Variants in GRIN2D observed in about 807,000 individuals in gnomAD.
GRIN2D encodes the protein glutamate ionotropic receptor NMDA type subunit 2D, also known as glutamate receptor ionotropic, NMDA 2D.
In GRIN2D, 37 loss-of-function variants were observed where a neutral mutation model predicts 103.2. The observed-to-expected ratio is 0.36, with a 90% confidence interval of 0.28 to 0.47. The LOEUF (loss-of-function observed/expected upper bound fraction) is 0.47, where lower values mean the gene tolerates loss of function less well. GRIN2D is among the 20% of genes least tolerant of loss of function. The pLI is 1.00. For missense variants in GRIN2D, 1,557 were observed against 1,910.6 expected (o/e 0.81, Z 3.45); for synonymous variants, 845 against 885.6 (o/e 0.95, Z 0.81).
rs1002224728 is a variant in GRIN2D at position 48,412,425 on chromosome 19, G to GA, written c.1086-1563dup. On this transcript the variant is annotated intron_variant, in intron 4 of 13. Coordinates refer to ENST00000263269, the MANE Select transcript of GRIN2D (RefSeq NM_000836.4). Reference sequence around the variant, plus strand: ...AAGAAAGAAAGAAAGAGAAAGAAAAGAAAGAAAGAAAGAAAGAAAGAAAGA... The same window carrying GA: ...AAGAAAGAAAGAAAGAGAAAGAAAAGAAAAGAAAGAAAGAAAGAAAGAAAGA... Among the ~76,000 whole-genome samples the GA allele has an allele frequency of 2.3e-4, 11 of 48,164 alleles. No homozygotes were observed. In the East Asian group the frequency reaches 4.7e-3, roughly 21 times the overall value. The allele number at this position is 48,164 out of a possible 152,430, so 31.6% of individuals were successfully genotyped here.
intron 4 of GRIN2D, among the ~76,000 whole-genome samples, chr19:48,412,635 A>G (rs1429594043): frequency 6.6e-6 from 1 of 151,296 alleles, no homozygotes; most frequent in Non-Finnish European, 1.5e-5. Context: ...TAAAAATACA[A>G]AAAATTAGCC....
intron 4 of GRIN2D, among the ~76,000 whole-genome samples, chr19:48,408,860 C>T (rs936948483): frequency 6.0e-5 from 9 of 151,044 alleles, no homozygotes; most frequent in Non-Finnish European, 1.2e-4. Flanking sequence ...ATGGATAAAG[C>T]GAAGGAGCCA....
chr19:48,428,186 G>A (rs1193914407), intron 11 of GRIN2D, among the ~76,000 whole-genome samples: 1 of 151,046 alleles, frequency 6.6e-6, no homozygotes, highest in African/African-American at 2.4e-5. Context: ...ATAGGCATCC[G>A]CCACCACGCC....
In GRIN2D at chr19:48,405,106, G is replaced by A. The variant is rs759019629; in HGVS notation, c.838G>A (p.Ala280Thr). The part of the protein sequence containing the change: ...YVWFMVGPQL[A>T]GGGGSGAPGE... The stretch of plus-strand genomic sequence containing the variant: ...CTGGTTCATGGTGGGGCCCCAGCTG[G>A]CTGGAGGCGGGGGCTCTGGGGCCCC... The change falls in exon 4 of 14, where the codon GCT (alanine) becomes ACT (threonine). Residue 280 changes from alanine (A) to threonine (T), a missense_variant. By Grantham distance (58) the Ala-to-Thr change is moderately conservative. This residue lies in a region of GRIN2D where 490 missense variants were observed against 601.1 expected (regional missense o/e 0.82). Coordinates refer to ENST00000263269, the MANE Select transcript of GRIN2D (RefSeq NM_000836.4). The surrounding 1 kb of genome is among the most constrained non-coding windows in gnomAD (Gnocchi z 5.1). 3.1e-6 allele frequency: 5 copies of A among 1,592,048 alleles called. No homozygotes were observed. The Admixed American group carries it at 5.3e-5, about 17-fold the overall frequency.
intron 11 of GRIN2D, among the ~76,000 whole-genome samples, chr19:48,424,130 C>A (rs1266450979): frequency 1.4e-5 from 2 of 147,014 alleles, no homozygotes; most frequent in African/African-American, 5.0e-5. Context: ...AAAAAAATTT[C>A]TAATGCCCAA....
Position 48,414,665 on chromosome 19 carries a change from C to T in GRIN2D, c.1412+81C>T. 1 of 1,375,278 alleles carries T rather than the reference C, an allele frequency of 7.3e-7. No individual in the cohort carries two copies. 85.2% of individuals were successfully genotyped at this position (1,375,278 alleles called of 1,614,324 possible). ...AGTAGTCTGGGCCCCCAGCCCCCTC[C>T]TCCCTTGGGACCCAGGACCCACAAA... On this transcript the variant is annotated intron_variant, in intron 6 of 13. Coordinates refer to ENST00000263269, the MANE Select transcript of GRIN2D (RefSeq NM_000836.4). The surrounding 1 kb of genome is among the most constrained non-coding windows in gnomAD (Gnocchi z 4.6).
chr19:48,435,296 G>T (rs79303461), intron 11 of GRIN2D, among the ~76,000 whole-genome samples: 1,389 of 121,556 alleles, frequency 0.011, 20 homozygotes, highest in African/African-American at 0.039. Context: ...TCAGCCACTT[G>T]TTTTTTTTTT....
intron 3 of GRIN2D, among the ~76,000 whole-genome samples, chr19:48,402,422 G>C (rs1157119748): frequency 6.6e-6 from 1 of 151,978 alleles, no homozygotes; most frequent in Non-Finnish European, 1.5e-5. Flanking sequence ...TATTCCTTAA[G>C]ATTCTTTACT....
At chr19:48,397,279 A>G (rs1237863127) in intron 2 of GRIN2D, among the ~76,000 whole-genome samples, 1 of 151,588 alleles carries the variant, frequency 6.6e-6, no homozygotes, top group Non-Finnish European at 1.5e-5. Flanking sequence ...GTGCCCCACT[A>G]ATTTCTCTCT....
At chr19:48,441,992 G>T (rs780350094) in intron 12 of GRIN2D, 36 bp downstream of exon 12, 2 of 1,576,286 alleles carry the variant, frequency 1.3e-6, no homozygotes, top group Non-Finnish European at 1.7e-6. Context: ...CAGCGGAGAG[G>T]GGGAGGGCGA....
At chr19:48,419,141 A>C (rs1426007645) in intron 8 of GRIN2D, 93 bp from the exon 9 acceptor site, 30 of 1,217,182 alleles carry the variant, frequency 2.5e-5, no homozygotes, top group Non-Finnish European at 3.3e-5. Flanking sequence ...AGCCTCCCAA[A>C]GTTCTGGGAG....
At chr19:48,432,521 C>G (rs1470724649) in intron 11 of GRIN2D, among the ~76,000 whole-genome samples, 2 of 151,864 alleles carry the variant, frequency 1.3e-5, no homozygotes, top group African/African-American at 2.4e-5. Context: ...CTCTGTTCCC[C>G]AGGCTAGAGT....
chr19:48,441,901 G>A lies in GRIN2D; in HGVS notation c.2385G>A (p.Lys795=). 5 of 1,612,862 alleles carry A rather than the reference G, an allele frequency of 3.1e-6. No individual in the cohort carries two copies. The highest frequency in any genetic ancestry group is 2.5e-6 in the Non-Finnish European group (3 of 1,179,910). Residue 795 remains lysine (K), a synonymous_variant, in exon 12 of 14, where the codon AAG becomes AAA. Coordinates refer to ENST00000263269, the MANE Select transcript of GRIN2D (RefSeq NM_000836.4). ...ATTGYGIALH[K]GSRWKRPIDL... ...CAGGCTATGGCATCGCCCTGCACAA[G>A]GGCTCCCGCTGGAAGCGGCCCATCG...
At chr19:48,398,339 C>T in intron 2 of GRIN2D, 28 bp from the exon 3 acceptor site, 1 of 988,542 alleles carries the variant, frequency 1.0e-6, no homozygotes, top group East Asian at 5.8e-5. Flanking sequence ...TCCCTCTCCT[C>T]CCCGTCTCTC....
In GRIN2D at chr19:48,405,499, T is replaced by C. The variant is rs1970781449; in HGVS notation, c.1085+146T>C. On this transcript the variant is annotated intron_variant, in intron 4 of 13. Transcript: ENST00000263269. This position sits in a 1 kb window ranked among gnomAD's most constrained non-coding sequence, Gnocchi z 5.1. ...TGTAAAGTGGGTGCAATTGGGTCTCTTTTCTGAGGTTAAATCAAGTAATTT... is the reference window on the plus strand; with the variant it reads ...TGTAAAGTGGGTGCAATTGGGTCTCCTTTCTGAGGTTAAATCAAGTAATTT... The C allele has an allele frequency of 1.3e-6, 1 of 786,878 alleles. No homozygotes were observed. The highest frequency in any genetic ancestry group is 1.9e-6 in the Non-Finnish European group (1 of 530,886). The allele number at this position is 786,878 out of a possible 1,614,324, so 48.7% of individuals were successfully genotyped here. A position where few individuals can be genotyped will look rare whatever the true frequency, so the allele number is the denominator to read the frequency against.
At position 48,414,595 on chromosome 19, in the gene GRIN2D, G is replaced by C. The variant is rs774414385; in HGVS notation, c.1412+11G>C. The C allele has an allele frequency of 3.9e-6, 6 of 1,549,158 alleles. No homozygotes were observed. The highest frequency in any genetic ancestry group is 2.0e-5 in the Admixed American group (1 of 50,990). ...CAACCGAACCCACAGGTGACAGCTCGGGATCCAGGAGTTCCGGCTCCAAAA... is the reference window on the plus strand; with the variant it reads ...CAACCGAACCCACAGGTGACAGCTCCGGATCCAGGAGTTCCGGCTCCAAAA... On this transcript the variant is annotated intron_variant, in intron 6 of 13. Coordinates refer to ENST00000263269, the MANE Select transcript of GRIN2D (RefSeq NM_000836.4). The surrounding 1 kb of genome is among the most constrained non-coding windows in gnomAD (Gnocchi z 4.6).
At position 48,405,117 on chromosome 19, in the gene GRIN2D, G is replaced by A; in HGVS notation, c.849G>A (p.Gly283=). The A allele has an allele frequency of 3.2e-6, 5 of 1,582,120 alleles. No individual in the cohort carries two copies. The highest frequency in any genetic ancestry group is 4.3e-6 in the Non-Finnish European group (5 of 1,164,580). Residue 283 remains glycine (G), a synonymous_variant, in exon 4 of 14, where the codon GGG becomes GGA. Transcript: ENST00000263269. The surrounding 1 kb of genome is among the most constrained non-coding windows in gnomAD (Gnocchi z 5.1). ...TGGGGCCCCAGCTGGCTGGAGGCGG[G>A]GGCTCTGGGGCCCCTGGTGAGCCCC... ...FMVGPQLAGG[G]GSGAPGEPPL... is the part of the protein sequence containing the mutation.
At chr19:48,418,487 T>C (rs1970975004) in intron 8 of GRIN2D, among the ~76,000 whole-genome samples, 1 of 151,922 alleles carries the variant, frequency 6.6e-6, no homozygotes, top group Non-Finnish European at 1.5e-5. Flanking sequence ...CTCTCTGTGC[T>C]GTGTGGGGGA....
intron 4 of GRIN2D, among the ~76,000 whole-genome samples, chr19:48,407,582 G>C (rs1005727286): frequency 6.6e-6 from 1 of 152,158 alleles, no homozygotes; most frequent in African/African-American, 2.4e-5. Flanking sequence ...TCTGAGCTGT[G>C]ACCTGAGGGA....
Sources: allele counts gnomAD v4.1 joint callset (sites outside exome capture counted in the v4.1 genomes callset), GRCh38; gene constraint gnomAD v4.1.1; regional missense constraint gnomAD v4.1.1; non-coding constraint Gnocchi (gnomAD v3.1); transcripts MANE v1.5; gene names NCBI Gene and HGNC (gene_info 2026-07-23, HGNC 2026-07-21).